Variants in HMCN1 observed in about 807,000 individuals in gnomAD.
The protein encoded by HMCN1 is hemicentin 1, also known as hemicentin-1.
A neutral mutation model predicts 625.9 loss-of-function variants in HMCN1; 321 were observed. That is an observed-to-expected ratio of 0.51 (90% confidence interval 0.47 to 0.56). The LOEUF (loss-of-function observed/expected upper bound fraction) is 0.56. HMCN1 is among the 20% of genes least tolerant of loss of function. The pLI is 0.00. For synonymous variants in HMCN1, 2,425 were observed against 2,417.6 expected, an observed-to-expected ratio of 1.00 and a Z score of -0.09; for missense variants, 6,588 against 6,887.3, an observed-to-expected ratio of 0.96 and a Z score of 1.54.
chr1:185,790,221 C>T (rs1657898098), intron 1 of HMCN1, among the ~76,000 whole-genome samples: 1 of 152,122 alleles, frequency 6.6e-6, no homozygotes, highest in Admixed American at 6.5e-5. Context: ...TTGAAAGCAC[C>T]CATTTAACCT....
At chr1:185,981,677 G>T (rs1443234447) in intron 17 of HMCN1, among the ~76,000 whole-genome samples, 1 of 151,998 alleles carries the variant, frequency 6.6e-6, no homozygotes, top group Non-Finnish European at 1.5e-5. Flanking sequence ...TTTAAAATAT[G>T]TCTTCATTAG....
At position 186,064,734 on chromosome 1, in the gene HMCN1, C is replaced by T. The variant is rs936369012; in HGVS notation, c.7514-504C>T. 5.7e-5 allele frequency among the ~76,000 whole-genome samples: 8 copies of T among 140,960 alleles called. No homozygotes were observed. The East Asian group carries it at 1.1e-3, about 19-fold the overall frequency. The allele number at this position is 140,960 out of a possible 152,430, so 92.5% of individuals were successfully genotyped here. A position where few individuals can be genotyped will look rare whatever the true frequency, so the allele number is the denominator to read the frequency against. ...CTGAGGCAGGAGAATGGAGTGAACCCGGGAGGTAGAGCTTGCAGTGAGCCG... is the reference window on the plus strand; with the variant it reads ...CTGAGGCAGGAGAATGGAGTGAACCTGGGAGGTAGAGCTTGCAGTGAGCCG... On this transcript the variant is annotated intron_variant, in intron 48 of 106. Coordinates refer to ENST00000271588, the MANE Select transcript of HMCN1 (RefSeq NM_031935.3).
At chr1:185,954,702 G>A (rs1272046615) in intron 11 of HMCN1, among the ~76,000 whole-genome samples, 2 of 152,066 alleles carry the variant, frequency 1.3e-5, no homozygotes, top group Admixed American at 6.6e-5. Context: ...TGCTTCTTGG[G>A]GTAATGAAAG....
At chr1:186,066,934 T>A (rs1658154457) in intron 49 of HMCN1, among the ~76,000 whole-genome samples, 1 of 152,158 alleles carries the variant, frequency 6.6e-6, no homozygotes. Flanking sequence ...AATGTATACC[T>A]GTAACCCAGA....
intron 93 of HMCN1, among the ~76,000 whole-genome samples, chr1:186,149,580 T>C (rs1284665863): frequency 2.0e-5 from 3 of 152,348 alleles, no homozygotes; most frequent in Middle Eastern, 3.4e-3. Context: ...CTTATTTGTG[T>C]GTTCACTTTT....
In HMCN1 at chr1:185,982,244, T is replaced by A; in HGVS notation, c.2663-18T>A. 1 of 1,613,600 alleles carries A rather than the reference T, an allele frequency of 6.2e-7. No individual in the cohort carries two copies. Among genetic ancestry groups the A allele is most frequent in the Non-Finnish European group, 8.5e-7 (1 of 1,179,536 alleles). On this transcript the variant is annotated intron_variant, in intron 17 of 106. Transcript: ENST00000271588. ...GGTGAAATAGAGTTGAAAGTGCCTGTGCTCTCTCTTGATTTAGTTGCTCCA... is the reference window on the plus strand; with the variant it reads ...GGTGAAATAGAGTTGAAAGTGCCTGAGCTCTCTCTTGATTTAGTTGCTCCA...
chr1:185,909,385 T>A lies in HMCN1; in HGVS notation c.670T>A (p.Leu224Ile). 2 of 1,613,372 alleles carry A rather than the reference T, an allele frequency of 1.2e-6. No homozygotes were observed. Among genetic ancestry groups the A allele is most frequent in the Non-Finnish European group, 1.7e-6 (2 of 1,179,382 alleles). Residue 224 changes from leucine (L) to isoleucine (I), a missense_variant, in exon 5 of 107, where the codon TTA becomes ATA. Leu to Ile is a conservative substitution (Grantham distance 5). Around this residue, in one of 3 missense-constraint regions of HMCN1, gnomAD observed 4,628 missense variants for 4,853.1 expected, o/e 0.95. Coordinates refer to ENST00000271588, the MANE Select transcript of HMCN1 (RefSeq NM_031935.3). ...AGTACAGGCCTCCAAAGTTCACCTT[T>A]TATCCACAGATCATTTGGAACAGGC... Reference protein sequence around the residue: ...EAVQASKVHLLSTDHLEQAVN... With the variant: ...EAVQASKVHLISTDHLEQAVN...
chr1:185,830,749 G>A (rs763503940), intron 1 of HMCN1, among the ~76,000 whole-genome samples: 7 of 152,016 alleles, frequency 4.6e-5, no homozygotes, highest in African/African-American at 1.2e-4. Context: ...TTAGCCAGGC[G>A]TGGTGGTGTG....
chr1:186,044,049 C>G (rs553651976), intron 40 of HMCN1, among the ~76,000 whole-genome samples: 1 of 152,180 alleles, frequency 6.6e-6, no homozygotes, highest in South Asian at 2.1e-4. Context: ...CCATTGCACT[C>G]CAGCCTGGGC....
intron 4 of HMCN1, among the ~76,000 whole-genome samples, chr1:185,907,348 A>G (rs1201420596): frequency 6.6e-6 from 1 of 151,934 alleles, no homozygotes; most frequent in African/African-American, 2.4e-5. Context: ...TTTGTAAAAC[A>G]TCATTTCAGT....
chr1:186,018,349 C>T lies in HMCN1; in HGVS notation c.5467C>T (p.His1823Tyr). 1 of 1,612,236 alleles carries T rather than the reference C, an allele frequency of 6.2e-7. No homozygotes were observed. Among genetic ancestry groups the T allele is most frequent in the Non-Finnish European group, 8.5e-7 (1 of 1,178,588 alleles). ...CAAGAAGGAATTTGAAGTGACTGTTCATGGTATGCTGAAGAAGGGACAGGA... is the reference window on the plus strand; with the variant it reads ...CAAGAAGGAATTTGAAGTGACTGTTTATGGTATGCTGAAGAAGGGACAGGA... ...DHKKEFEVTV[H>Y]VPPTIKSSGL... Residue 1823 changes from histidine (H) to tyrosine (Y), a missense_variant, in exon 34 of 107, where the codon CAT (histidine) becomes TAT (tyrosine). Around this residue, in one of 3 missense-constraint regions of HMCN1, gnomAD observed 4,628 missense variants for 4,853.1 expected, o/e 0.95. Transcript: ENST00000271588.
intron 4 of HMCN1, among the ~76,000 whole-genome samples, chr1:185,892,362 C>T (rs1353074689): frequency 2.6e-5 from 4 of 151,688 alleles, no homozygotes; most frequent in Admixed American, 1.3e-4. Context: ...GAGGAGCTGC[C>T]TTCCTTTGGA....
At chr1:185,968,480 T>TTATATATATATATATA (rs369735007) in intron 14 of HMCN1, among the ~76,000 whole-genome samples, 3 of 149,250 alleles carry the variant, frequency 2.0e-5, no homozygotes, top group Non-Finnish European at 4.5e-5. Context: ...ATTTCTAAAA[T>TTATATATATATATATA]TATATATATA....
At chr1:186,110,977 C>CTTTTTTTGTTTTTTTTTTTTT (rs1660848737) in intron 71 of HMCN1, among the ~76,000 whole-genome samples, 1 of 61,648 alleles carries the variant, frequency 1.6e-5, no homozygotes, top group Non-Finnish European at 2.7e-5. Context: ...AGAGAAAATT[C>CTTTTTTTGTTTTTTTTTTTTT]TTTTTTTTTT....
At position 185,922,630 on chromosome 1, in the gene HMCN1, T is replaced by G. The variant is rs1261754156; in HGVS notation, c.1021+131T>G. On this transcript the variant is annotated intron_variant, in intron 7 of 106. Coordinates refer to ENST00000271588, the MANE Select transcript of HMCN1 (RefSeq NM_031935.3). ...GAAGCATAGCTTTAAATGTGACTGT[T>G]CTCTTGGCCTAATCACTTTCTCAAA... The G allele has an allele frequency of 7.4e-6, 6 of 811,936 alleles. No homozygotes were observed. In the African/African-American group the frequency reaches 8.6e-5, roughly 12 times the overall value. 50.3% of individuals were successfully genotyped at this position (811,936 alleles called of 1,614,324 possible).
chr1:185,962,379 C>T, intron 11 of HMCN1, 139 bp from the exon 12 acceptor site: 1 of 732,460 alleles, frequency 1.4e-6, no homozygotes, highest in South Asian at 1.5e-5. Flanking sequence ...TCTTTCCTGC[C>T]ATATCTGTGA....
At chr1:185,858,969 G>A (rs1220368041) in intron 2 of HMCN1, among the ~76,000 whole-genome samples, 1 of 151,554 alleles carries the variant, frequency 6.6e-6, no homozygotes, top group Non-Finnish European at 1.5e-5. Context: ...AGATCAGAAA[G>A]TCCGTTGATG....
chr1:185,986,493 A>C (rs913106087), intron 19 of HMCN1, among the ~76,000 whole-genome samples: 1 of 152,266 alleles, frequency 6.6e-6, no homozygotes, highest in East Asian at 1.9e-4. Context: ...TCTTTAATCA[A>C]AATCACCACT....
Position 185,995,038 on chromosome 1 carries a change from T to C in HMCN1, c.3729T>C (p.Ala1243=), listed in dbSNP as rs1245795071. 2 of 1,613,796 alleles carry C rather than the reference T, an allele frequency of 1.2e-6. No homozygotes were observed. Among genetic ancestry groups the C allele is most frequent in the Admixed American group, 3.3e-5 (2 of 59,980 alleles). ...PSDAGIYTCV[A]TNIAGTDETE... ...ATGCTGGCATATATACATGTGTTGC[T>C]ACTAACATAGCAGGCACTGATGAAA... is the stretch of plus-strand genomic sequence containing the variant. Residue 1243 remains alanine, a synonymous_variant, in exon 24 of 107, where the codon GCT becomes GCC. Coordinates refer to ENST00000271588, the MANE Select transcript of HMCN1 (RefSeq NM_031935.3).
Sources: allele counts gnomAD v4.1 joint callset (sites outside exome capture counted in the v4.1 genomes callset), GRCh38; gene constraint gnomAD v4.1.1; regional missense constraint gnomAD v4.1.1; transcripts MANE v1.5; gene names NCBI Gene and HGNC (gene_info 2026-07-23, HGNC 2026-07-21).